The following FRMD3 variants were observed in gnomAD, a reference collection of about 807,000 sequenced individuals.
FRMD3 encodes FERM domain-containing protein 3.
FRMD3 carries 33 observed loss-of-function variants against 70.2 expected under a neutral mutation model. The ratio of observed to expected loss-of-function variants is 0.47; its 90% CI spans 0.36 to 0.63. FRMD3 has a LOEUF of 0.63. Ranked by LOEUF, FRMD3 falls within the 20% of genes least tolerant of loss-of-function variation. The pLI is 0.00. For synonymous variants in FRMD3, 279 were observed against 255.9 expected, an observed-to-expected ratio of 1.09 and a Z score of -0.86; for missense variants, 632 against 711.4, an observed-to-expected ratio of 0.89 and a Z score of 1.27.
downstream of FRMD3, among the ~76,000 whole-genome samples, chr9:83,244,092 C>T (rs1563966449): frequency 6.6e-6 from 1 of 151,498 alleles, no homozygotes; most frequent in East Asian, 1.9e-4. Context: ...CGTGCCATTG[C>T]ACTCCAGCCT....
intron 1 of FRMD3, among the ~76,000 whole-genome samples, chr9:83,434,889 C>T (rs917861079): frequency 2.9e-5 from 4 of 138,934 alleles, no homozygotes; most frequent in Non-Finnish European, 4.5e-5. Flanking sequence ...TGCAGTGGCA[C>T]GATCTCGGCT....
At chr9:83,499,429 T>C (rs187406505) in intron 1 of FRMD3, among the ~76,000 whole-genome samples, 2 of 152,210 alleles carry the variant, frequency 1.3e-5, no homozygotes, top group Admixed American at 1.3e-4. Flanking sequence ...GTAAAAATGA[T>C]GATGAAAAGT....
chr9:83,392,344 T>C (rs11140065), intron 1 of FRMD3, among the ~76,000 whole-genome samples: 67,218 of 151,842 alleles, frequency 0.44, 15,491 homozygotes, highest in Admixed American at 0.51. Context: ...GCCATTTAAG[T>C]TCCCACTGTT....
intron 5 of FRMD3, among the ~76,000 whole-genome samples, chr9:83,341,530 A>G (rs893812143): frequency 6.6e-6 from 1 of 151,928 alleles, no homozygotes; most frequent in African/African-American, 2.4e-5. Flanking sequence ...TCTCTTACCT[A>G]AGACAGTGCA....
upstream of FRMD3, among the ~76,000 whole-genome samples, chr9:83,542,812 T>C (rs1478523194): frequency 6.6e-6 from 1 of 152,140 alleles, no homozygotes; most frequent in Non-Finnish European, 1.5e-5. Context: ...ATACAGTCAA[T>C]TGATATTTGA....
chr9:83,370,460 G>A (rs1409442458), intron 3 of FRMD3, among the ~76,000 whole-genome samples: 2 of 152,158 alleles, frequency 1.3e-5, no homozygotes, highest in African/African-American at 2.4e-5. Context: ...ATTGGGTGGT[G>A]GGTAAGACCC....
Position 83,248,530 on chromosome 9 carries a change from T to C in FRMD3, c.1196-14A>G, listed in dbSNP as rs756457276. ...GCAATGGAACACCTGTAAAGAGACA[T>C]TTTTTTTTCTAAATTTAAAATTTCA... On this transcript the variant is annotated splice_polypyrimidine_tract_variant and intron_variant, in intron 13 of 13. Coordinates refer to ENST00000304195, the MANE Select transcript of FRMD3 (RefSeq NM_174938.6). 1 of 1,518,244 alleles carries C rather than the reference T, an allele frequency of 6.6e-7. No individual in the cohort carries two copies. Among genetic ancestry groups the C allele is most frequent in the Non-Finnish European group, 8.8e-7 (1 of 1,136,798 alleles). The allele number at this position is 1,518,244 out of a possible 1,614,324, so 94.0% of individuals were successfully genotyped here. A position where few individuals can be genotyped will look rare whatever the true frequency, so the allele number is the denominator to read the frequency against.
chr9:83,505,993 G>C (rs1829173301), intron 1 of FRMD3, among the ~76,000 whole-genome samples: 1 of 152,110 alleles, frequency 6.6e-6, no homozygotes, highest in Non-Finnish European at 1.5e-5. Flanking sequence ...ACAAGAACTT[G>C]TGCAAACTGC....
rs987310672 is a variant in FRMD3, at chr9:83,464,596, T to C, written c.147+73489A>G. 3.9e-5 allele frequency among the ~76,000 whole-genome samples: 6 copies of C among 152,164 alleles called. 1 individual carries two copies. The highest frequency in any genetic ancestry group is 3.3e-4 in the Admixed American group (5 of 15,272). Reference sequence around the variant, plus strand: ...CACACCTCAATCTGATCGAAACCCATGATCAGTGTCAGAGAGGCAATTTAA... The same window carrying C: ...CACACCTCAATCTGATCGAAACCCACGATCAGTGTCAGAGAGGCAATTTAA... On this transcript the variant is annotated intron_variant, in intron 1 of 13. Transcript: ENST00000304195.
chr9:83,342,013 T>C (rs1587744959), intron 5 of FRMD3, among the ~76,000 whole-genome samples: 1 of 150,864 alleles, frequency 6.6e-6, no homozygotes, highest in South Asian at 2.1e-4. Flanking sequence ...TCCTGTGTTA[T>C]TCCAGATCCA....
chr9:83,275,148 C>G (rs1370956655), intron 13 of FRMD3, among the ~76,000 whole-genome samples: 1 of 152,134 alleles, frequency 6.6e-6, no homozygotes, highest in Admixed American at 6.5e-5. Context: ...CAATAAGCAG[C>G]TGAAAGCACA....
Position 83,372,972 on chromosome 9 carries a change from A to G in FRMD3, c.253-17T>C, listed in dbSNP as rs1825026839. 2 of 1,609,844 alleles carry G rather than the reference A, an allele frequency of 1.2e-6. No individual in the cohort carries two copies. The highest frequency in any genetic ancestry group is 1.7e-5 in the Admixed American group (1 of 59,868). On this transcript the variant is annotated splice_polypyrimidine_tract_variant and intron_variant, in intron 2 of 13. Coordinates refer to ENST00000304195, the MANE Select transcript of FRMD3 (RefSeq NM_174938.6). ...AAGCCAGTGCTAGGGAGGAAAAAAA[A>G]AAAAGCAGAGATCAGGGGTCAAATT...
intron 1 of FRMD3, among the ~76,000 whole-genome samples, chr9:83,513,028 C>T (rs1348890859): frequency 2.6e-5 from 4 of 152,186 alleles, no homozygotes; most frequent in Non-Finnish European, 4.4e-5. Context: ...TATCAACCAT[C>T]TGTCGCAAAT....
chr9:83,475,788 G>A lies in FRMD3; in HGVS notation c.147+62297C>T, dbSNP rs1186917119. Among the ~76,000 whole-genome samples, 18 of 152,218 alleles carry A rather than the reference G, an allele frequency of 1.2e-4. No individual in the cohort carries two copies. The East Asian group carries it at 1.3e-3, about 11-fold the overall frequency. On this transcript the variant is annotated intron_variant, in intron 1 of 13. Transcript: ENST00000304195. ...AACTACGTTTACATGCTGCTATCACGCACTCTCTGGACACTCTACAAGCCT... is the reference window on the plus strand; with the variant it reads ...AACTACGTTTACATGCTGCTATCACACACTCTCTGGACACTCTACAAGCCT...
At chr9:83,395,383 G>C (rs1187134756) in intron 1 of FRMD3, among the ~76,000 whole-genome samples, 1 of 151,630 alleles carries the variant, frequency 6.6e-6, no homozygotes, top group Non-Finnish European at 1.5e-5. Context: ...CGTTATACAG[G>C]TAAACTTGTG....
intron 3 of FRMD3, among the ~76,000 whole-genome samples, chr9:83,353,170 G>C (rs1164182030): frequency 6.7e-6 from 1 of 150,260 alleles, no homozygotes. Flanking sequence ...GTCCCTGTAA[G>C]TTGGAAGAAC....
At chr9:83,363,983 T>A (rs1564037071) in intron 3 of FRMD3, among the ~76,000 whole-genome samples, 1 of 152,224 alleles carries the variant, frequency 6.6e-6, no homozygotes, top group Non-Finnish European at 1.5e-5. Flanking sequence ...ATAATTACAA[T>A]TTTCTCAGTA....
intron 3 of FRMD3, among the ~76,000 whole-genome samples, chr9:83,356,369 G>A (rs1436690660): frequency 1.4e-5 from 2 of 145,276 alleles, no homozygotes; most frequent in Non-Finnish European, 3.0e-5. Context: ...TCCGCCTCCC[G>A]GGTTCACGCC....
intron 1 of FRMD3, among the ~76,000 whole-genome samples, chr9:83,457,562 A>G (rs1328088687): frequency 6.6e-6 from 1 of 152,236 alleles, no homozygotes; most frequent in Admixed American, 6.5e-5. Flanking sequence ...ACTTTAAAAC[A>G]TCTCTAGATT....
Sources: gnomAD v4.1 joint callset for allele counts (sites outside exome capture counted in the v4.1 genomes callset) on GRCh38, gnomAD v4.1.1 for gene constraint, MANE v1.5 for transcripts, NCBI Gene and HGNC (gene_info 2026-07-23, HGNC 2026-07-21) for gene names.